The following UBA6 variants were observed in gnomAD, a reference collection of about 807,000 sequenced individuals.
UBA6 encodes ubiquitin like modifier activating enzyme 6, also known as ubiquitin-like modifier-activating enzyme 6.
UBA6 carries 87 observed loss-of-function variants against 148.3 expected under a neutral mutation model. The observed-to-expected ratio is 0.59, with a 90% CI of 0.49 to 0.70. The LOEUF (loss-of-function observed/expected upper bound fraction) is 0.70, where lower values mean the gene tolerates loss of function less well. Among genes scored for constraint, UBA6 ranks in the 30% least tolerant of loss-of-function variants. The pLI, the probability that UBA6 is intolerant of heterozygous loss-of-function variation, is 0.00. For synonymous variants in UBA6, 376 were observed against 401.0 expected (o/e 0.94, Z 0.75); for missense variants, 1,186 against 1,241.2 (o/e 0.96, Z 0.67).
chr4:67,637,804 T>C (rs1279705002), intron 19 of UBA6, among the ~76,000 whole-genome samples: 1 of 152,096 alleles, frequency 6.6e-6, no homozygotes, highest in Non-Finnish European at 1.5e-5. Flanking sequence ...AACACTGCGG[T>C]AGGCCACAGG....
chr4:67,685,086 G>C (rs955717662), intron 2 of UBA6, among the ~76,000 whole-genome samples: 1 of 152,024 alleles, frequency 6.6e-6, no homozygotes, highest in Non-Finnish European at 1.5e-5. Context: ...TTATGAGAGA[G>C]AGAAAAAAAC....
chr4:67,690,569 A>T (rs757075254), intron 2 of UBA6, among the ~76,000 whole-genome samples: 7 of 152,154 alleles, frequency 4.6e-5, no homozygotes, highest in Non-Finnish European at 7.4e-5. Flanking sequence ...TAATATCCAA[A>T]GGAATGCCTA....
In UBA6 at chr4:67,662,903, A is replaced by G. The variant is rs1008316243; in HGVS notation, c.1037+236T>C. The G allele has an allele frequency of 1.1e-5, 4 of 350,336 alleles. No homozygotes were observed. The Admixed American group carries it at 1.3e-4, about 12-fold the overall frequency. The allele number at this position is 350,336 out of a possible 1,614,324, so 21.7% of individuals were successfully genotyped here. On this transcript the variant is annotated intron_variant, in intron 12 of 32. Coordinates refer to ENST00000322244, the MANE Select transcript of UBA6 (RefSeq NM_018227.6). ...AATTTTTTTTGTTTTAAGAAGCTTTAATTTTTAAAGGCTTCAAAGTGGAAA... is the reference window on the plus strand; with the variant it reads ...AATTTTTTTTGTTTTAAGAAGCTTTGATTTTTAAAGGCTTCAAAGTGGAAA...
At chr4:67,622,375 C>T (rs1728770644) in intron 32 of UBA6, among the ~76,000 whole-genome samples, 1 of 152,212 alleles carries the variant, frequency 6.6e-6, no homozygotes, top group Non-Finnish European at 1.5e-5. Flanking sequence ...ATAATACTTA[C>T]TATCACCTAA....
At chr4:67,641,770 T>C (rs1257918066) in intron 17 of UBA6, among the ~76,000 whole-genome samples, 1 of 151,934 alleles carries the variant, frequency 6.6e-6, no homozygotes, top group Non-Finnish European at 1.5e-5. Context: ...GTTTTCATGA[T>C]CCTAGGGGCA....
At position 67,616,287 on chromosome 4, in the gene UBA6, G is replaced by T; in HGVS notation, c.*2710C>A. The T allele has an allele frequency of 2.6e-6, 1 of 384,854 alleles. No homozygotes were observed. Among genetic ancestry groups the T allele is most frequent in the Non-Finnish European group, 4.6e-6 (1 of 217,642 alleles). The allele number at this position is 384,854 out of a possible 1,614,324, so 23.8% of individuals were successfully genotyped here. ...GCAATCACAATGAATATTCATTATA[G>T]TGGAAAGATTTAGGTCACGAGATTT... On this transcript the variant is annotated 3_prime_UTR_variant, in exon 33 of 33. Transcript: ENST00000322244.
intron 19 of UBA6, among the ~76,000 whole-genome samples, chr4:67,638,558 G>T (rs1438625995): frequency 1.3e-5 from 2 of 152,116 alleles, no homozygotes; most frequent in African/African-American, 4.8e-5. Flanking sequence ...GGGTGAAGGA[G>T]TTACTCCTTC....
chr4:67,678,659 A>G (rs1054549513), intron 4 of UBA6, 126 bp from the exon 5 acceptor site: 127 of 458,056 alleles, frequency 2.8e-4, no homozygotes, highest in South Asian at 1.0e-4. Context: ...AAACAAAGGC[A>G]TAAGAATTAA....
In UBA6 at chr4:67,633,422, G is replaced by T; in HGVS notation, c.2065C>A (p.Leu689Ile). ...GACCAATTTCTAGGTCTTCTGCTAA[G>T]TAACTTTATAACTTGAAAACAGCCT... ...LEGCFQVIKL[L>I]SRRPRNWSQC... Residue 689 changes from leucine to isoleucine, a missense_variant, in exon 23 of 33, where the codon CTT becomes ATT. Transcript: ENST00000322244. The T allele has an allele frequency of 6.2e-7, 1 of 1,610,252 alleles. No homozygotes were observed.
intron 27 of UBA6, 151 bp from the exon 28 acceptor site, chr4:67,626,628 G>T: frequency 3.4e-6 from 2 of 582,782 alleles, no homozygotes; most frequent in Non-Finnish European, 5.9e-6. Flanking sequence ...TATTTTATAC[G>T]TTCCTTTAGA....
chr4:67,652,982 C>T (rs755236216), intron 13 of UBA6, among the ~76,000 whole-genome samples: 13 of 152,150 alleles, frequency 8.5e-5, no homozygotes, highest in East Asian at 3.9e-4. Context: ...TACAGGTGTC[C>T]GCCATTGCTG....
intron 26 of UBA6, among the ~76,000 whole-genome samples, 182 bp from the exon 27 acceptor site, chr4:67,629,324 G>A (rs1728943705): frequency 6.6e-6 from 1 of 151,694 alleles, no homozygotes; most frequent in Non-Finnish European, 1.5e-5. Context: ...TAAAGGTTAT[G>A]GGGGAGGAGA....
intron 8 of UBA6, among the ~76,000 whole-genome samples, chr4:67,669,067 A>G (rs919895136): frequency 1.3e-5 from 2 of 152,180 alleles, no homozygotes; most frequent in African/African-American, 2.4e-5. Flanking sequence ...AACAGTAAAG[A>G]AGGAGGATAG....
chr4:67,685,019 C>T (rs973573709), intron 2 of UBA6, among the ~76,000 whole-genome samples: 3 of 152,144 alleles, frequency 2.0e-5, no homozygotes, highest in African/African-American at 7.2e-5. Context: ...CATCCATACT[C>T]TTAACTATTA....
chr4:67,695,190 C>G (rs985485666), intron 2 of UBA6, among the ~76,000 whole-genome samples: 1 of 152,072 alleles, frequency 6.6e-6, no homozygotes, highest in Non-Finnish European at 1.5e-5. Context: ...AAAACATGAC[C>G]AAAAGGACAT....
Position 67,639,003 on chromosome 4 carries a change from G to C in UBA6, c.1676C>G (p.Thr559Ser). 6.2e-7 allele frequency: 1 copy of C among 1,612,788 alleles called. No homozygotes were observed. The highest frequency in any genetic ancestry group is 8.5e-7 in the Non-Finnish European group (1 of 1,179,074). Residue 559 changes from threonine to serine, a missense_variant, in exon 19 of 33, where the codon ACT becomes AGT. By Grantham distance (58) the Thr-to-Ser change is moderately conservative. Transcript: ENST00000322244. ...TGCTGTAATAATTACATCTTGTTTA[G>C]TATAGAACTCATCATTGTAAATGGT... The part of the protein sequence containing the change: ...TETIYNDEFY[T>S]KQDVIITALD...
chr4:67,674,420 C>A (rs1024210193), intron 6 of UBA6, among the ~76,000 whole-genome samples: 9 of 152,188 alleles, frequency 5.9e-5, no homozygotes, highest in African/African-American at 2.2e-4. Context: ...AAAGAGACGT[C>A]TTAGCTTGCT....
rs1347592485 is a variant in UBA6 at position 67,617,566 on chromosome 4, T to C, written c.*1431A>G. The C allele has an allele frequency of 1.3e-5, 2 of 152,166 alleles. No homozygotes were observed. The highest frequency in any genetic ancestry group is 2.1e-4 in the South Asian group (1 of 4,834). 9.4% of individuals were successfully genotyped at this position (152,166 alleles called of 1,614,324 possible). On this transcript the variant is annotated 3_prime_UTR_variant, in exon 33 of 33. Coordinates refer to ENST00000322244, the MANE Select transcript of UBA6 (RefSeq NM_018227.6). ...TTCCACATACATTTTCCCCACTTGA[T>C]GGTACTTTTACAAGAGGGAAACAAT...
chr4:67,627,506 C>T (rs571908703), intron 27 of UBA6, among the ~76,000 whole-genome samples: 2 of 152,028 alleles, frequency 1.3e-5, no homozygotes, highest in South Asian at 2.1e-4. Flanking sequence ...AGAGCAATAA[C>T]GGAAAGTAAA....
Sources: gnomAD v4.1 joint callset for allele counts (sites outside exome capture counted in the v4.1 genomes callset) on GRCh38, gnomAD v4.1.1 for gene constraint, MANE v1.5 for transcripts, NCBI Gene and HGNC (gene_info 2026-07-23, HGNC 2026-07-21) for gene names.